NUMB: variants seen among roughly 807,000 people sequenced by gnomAD.
NUMB encodes the protein NUMB endocytic adaptor protein.
In NUMB, 29 loss-of-function variants were observed where a neutral mutation model predicts 59.7. That is an observed-to-expected ratio of 0.49 (90% CI 0.36 to 0.66). The LOEUF (loss-of-function observed/expected upper bound fraction) is 0.66. Ranked by LOEUF, NUMB falls within the 30% of genes least tolerant of loss-of-function variation. NUMB has a pLI of 0.00. For synonymous variants in NUMB, 288 were observed against 288.2 expected, an observed-to-expected ratio of 1.00 and a Z score of 0.01; for missense variants, 723 against 822.0, an observed-to-expected ratio of 0.88 and a Z score of 1.47.
chr14:73,309,202 G>A (rs956102695), intron 6 of NUMB, among the ~76,000 whole-genome samples: 3 of 152,094 alleles, frequency 2.0e-5, no homozygotes, highest in African/African-American at 7.2e-5. Flanking sequence ...GAGCACAGAT[G>A]CACTTTTAAA....
intron 4 of NUMB, among the ~76,000 whole-genome samples, chr14:73,332,063 T>G (rs1892010077): frequency 6.6e-6 from 1 of 152,062 alleles, no homozygotes; most frequent in Non-Finnish European, 1.5e-5. Flanking sequence ...GAGGCTCCTT[T>G]TTTTCCATTT....
intron 6 of NUMB, among the ~76,000 whole-genome samples, chr14:73,314,801 T>C (rs1352021401): frequency 6.6e-6 from 1 of 152,056 alleles, no homozygotes; most frequent in Non-Finnish European, 1.5e-5. Flanking sequence ...TAAAATTGTA[T>C]GATAATTGTG....
chr14:73,406,025 G>A (rs1896646758), intron 2 of NUMB, among the ~76,000 whole-genome samples: 1 of 151,660 alleles, frequency 6.6e-6, no homozygotes, highest in Non-Finnish European at 1.5e-5. Flanking sequence ...AATTTATATG[G>A]AACCACAACC....
chr14:73,456,359 C>T (rs1047071833), intron 1 of NUMB, among the ~76,000 whole-genome samples: 1 of 152,104 alleles, frequency 6.6e-6, no homozygotes, highest in South Asian at 2.1e-4. Flanking sequence ...ATCCGCCCGC[C>T]TTGGCCTCCC....
intron 7 of NUMB, among the ~76,000 whole-genome samples, chr14:73,293,926 A>G (rs761341397): frequency 2.0e-5 from 3 of 152,234 alleles, no homozygotes; most frequent in Non-Finnish European, 4.4e-5. Context: ...TTCTTGGTCA[A>G]ATAGTGAAGG....
chr14:73,335,302 CAAAAA>C (rs10556271), intron 4 of NUMB, among the ~76,000 whole-genome samples: 6 of 100,212 alleles, frequency 6.0e-5, no homozygotes, highest in African/African-American at 1.1e-4. Flanking sequence ...GCCAAAAAGA[CAAAAA>C]AAAAAAAAAA....
At chr14:73,383,762 T>C (rs1895363499) in intron 2 of NUMB, among the ~76,000 whole-genome samples, 1 of 152,070 alleles carries the variant, frequency 6.6e-6, no homozygotes. Flanking sequence ...ACATCTGTAA[T>C]ACCAGCACTT....
intron 2 of NUMB, among the ~76,000 whole-genome samples, chr14:73,404,707 A>G (rs1434484861): frequency 6.6e-6 from 1 of 152,146 alleles, no homozygotes; most frequent in Non-Finnish European, 1.5e-5. Flanking sequence ...AACTTGGTAA[A>G]GGGCATATAG....
At chr14:73,439,010 G>T (rs1038675992) in intron 1 of NUMB, among the ~76,000 whole-genome samples, 1 of 152,138 alleles carries the variant, frequency 6.6e-6, no homozygotes, top group African/African-American at 2.4e-5. Flanking sequence ...GTCCTTCACG[G>T]TATCTTAACA....
At chr14:73,307,105 T>A (rs1021320552) in intron 6 of NUMB, among the ~76,000 whole-genome samples, 1 of 152,054 alleles carries the variant, frequency 6.6e-6, no homozygotes, top group African/African-American at 2.4e-5. Flanking sequence ...GTCAGGTGAT[T>A]GAGACCACCC....
At chr14:73,349,520 G>A (rs188825731) in intron 4 of NUMB, among the ~76,000 whole-genome samples, 42 of 149,574 alleles carry the variant, frequency 2.8e-4, no homozygotes, top group Middle Eastern at 3.5e-3. Context: ...GCTGCAGTGA[G>A]CCGAGATCGT....
In NUMB at chr14:73,422,357, T is replaced by C. The variant is rs538589070; in HGVS notation, c.-232-12289A>G. ...CGTCATAGTAGCAGTACTATCCTTG[T>C]GGAGAACCAGAGCCTTTAAGCAATG... is the stretch of plus-strand genomic sequence containing the variant. On this transcript the variant is annotated intron_variant, in intron 1 of 12. Transcript: ENST00000555238. Among the ~76,000 whole-genome samples the C allele has an allele frequency of 1.1e-4, 16 of 152,214 alleles. 1 individual carries two copies. In the East Asian group the frequency reaches 2.5e-3, roughly 24 times the overall value.
At chr14:73,306,522 TTGAA>T (rs143683908) in intron 6 of NUMB, among the ~76,000 whole-genome samples, 1 of 152,110 alleles carries the variant, frequency 6.6e-6, no homozygotes, top group South Asian at 2.1e-4. Flanking sequence ...CACCCCTAGG[TTGAA>T]TGAATGAATG....
intron 8 of NUMB, among the ~76,000 whole-genome samples, chr14:73,288,863 A>T (rs1889198143): frequency 6.6e-6 from 1 of 152,166 alleles, no homozygotes; most frequent in Admixed American, 6.5e-5. Flanking sequence ...CCGTCTCAAA[A>T]AAAATAATAA....
intron 1 of NUMB, among the ~76,000 whole-genome samples, chr14:73,421,288 G>A (rs1026051942): frequency 2.6e-5 from 4 of 152,062 alleles, no homozygotes; most frequent in East Asian, 1.9e-4. Flanking sequence ...GGACTCAAGC[G>A]ATTCTCCTGC....
chr14:73,360,590 G>C (rs1894052496), intron 3 of NUMB, among the ~76,000 whole-genome samples: 1 of 152,026 alleles, frequency 6.6e-6, no homozygotes, highest in African/African-American at 2.4e-5. Context: ...GCCCCTGCAT[G>C]TCTCTCTTGC....
At chr14:73,419,277 G>A (rs1238773935) in intron 1 of NUMB, among the ~76,000 whole-genome samples, 3 of 152,164 alleles carry the variant, frequency 2.0e-5, no homozygotes, top group Admixed American at 6.5e-5. Context: ...TTGGGAGGCC[G>A]AGGCGGGCGG....
chr14:73,374,179 AT>A (rs968024966), intron 2 of NUMB, among the ~76,000 whole-genome samples: 1 of 151,572 alleles, frequency 6.6e-6, no homozygotes, highest in Non-Finnish European at 1.5e-5. Flanking sequence ...CGCTCAGCTA[AT>A]TTTTTTTTAA....
At chr14:73,418,050 A>G (rs1897205131) in intron 1 of NUMB, among the ~76,000 whole-genome samples, 1 of 152,090 alleles carries the variant, frequency 6.6e-6, no homozygotes, top group Non-Finnish European at 1.5e-5. Flanking sequence ...GGTCACAGTG[A>G]GCTGAGATCA....
Sources: gnomAD v4.1 joint callset for allele counts (sites outside exome capture counted in the v4.1 genomes callset) on GRCh38, gnomAD v4.1.1 for gene constraint, MANE v1.5 for transcripts, NCBI Gene and HGNC (gene_info 2026-07-23, HGNC 2026-07-21) for gene names.